The following FIGN variants were observed in gnomAD, a reference collection of about 807,000 sequenced individuals.
FIGN encodes fidgetin, microtubule severing factor, also known as fidgetin.
Under a neutral mutation model 51.3 loss-of-function variants are expected in FIGN, and 11 were observed. The ratio of observed to expected loss-of-function variants is 0.21; its 90% CI spans 0.13 to 0.35. The LOEUF (loss-of-function observed/expected upper bound fraction) is 0.35, where lower values mean the gene tolerates loss of function less well. FIGN is among the 10% of genes least tolerant of loss of function. The pLI, the probability that FIGN is intolerant of heterozygous loss-of-function variation, is 1.00. For missense variants in FIGN, 857 were observed against 943.6 expected, an observed-to-expected ratio of 0.91 and a Z score of 1.20; for synonymous variants, 407 against 363.2, an observed-to-expected ratio of 1.12 and a Z score of -1.37.
At chr2:163,687,032 CACAT>C (rs1684162486) in intron 2 of FIGN, among the ~76,000 whole-genome samples, 2 of 152,128 alleles carry the variant, frequency 1.3e-5, no homozygotes, top group African/African-American at 2.4e-5. Context: ...CACACACACA[CACAT>C]ACATGCACAG....
At chr2:163,651,182 G>C (rs941184196) in intron 2 of FIGN, among the ~76,000 whole-genome samples, 2 of 152,210 alleles carry the variant, frequency 1.3e-5, no homozygotes, top group Admixed American at 6.5e-5. Flanking sequence ...TCTACTGATA[G>C]GCCGGGTGCG....
intron 2 of FIGN, among the ~76,000 whole-genome samples, chr2:163,631,560 CCT>C (rs1252868054): frequency 1.3e-5 from 2 of 152,142 alleles, no homozygotes; most frequent in Non-Finnish European, 2.9e-5. Flanking sequence ...TGTCCTCTCC[CCT>C]TTCTTCTAGG....
chr2:163,723,099 G>A (rs1373315709), intron 2 of FIGN, among the ~76,000 whole-genome samples: 4 of 151,992 alleles, frequency 2.6e-5, no homozygotes, highest in South Asian at 2.1e-4. Context: ...GCTGAGGCAG[G>A]AGAATGGCGT....
At chr2:163,627,496 A>T (rs1007953671) in intron 2 of FIGN, among the ~76,000 whole-genome samples, 3 of 152,182 alleles carry the variant, frequency 2.0e-5, no homozygotes, top group Non-Finnish European at 4.4e-5. Flanking sequence ...AATGGGGAGC[A>T]TGTTAATCAA....
intron 2 of FIGN, among the ~76,000 whole-genome samples, chr2:163,628,728 G>A (rs1437774737): frequency 6.6e-6 from 1 of 152,002 alleles, no homozygotes; most frequent in East Asian, 1.9e-4. Context: ...AGGAAAGGGG[G>A]CATTTAAAGG....
chr2:163,732,677 A>G (rs971068412), intron 2 of FIGN, among the ~76,000 whole-genome samples: 1 of 152,220 alleles, frequency 6.6e-6, no homozygotes, highest in Non-Finnish European at 1.5e-5. Context: ...CCTAATAAAT[A>G]GATCTTGTTG....
At chr2:163,649,628 G>A (rs965399814) in intron 2 of FIGN, among the ~76,000 whole-genome samples, 1 of 152,120 alleles carries the variant, frequency 6.6e-6, no homozygotes, top group Non-Finnish European at 1.5e-5. Flanking sequence ...CCCAGCCAAC[G>A]TCATCTTGAG....
chr2:163,711,930 C>T (rs935744637), intron 2 of FIGN, among the ~76,000 whole-genome samples: 6 of 152,060 alleles, frequency 3.9e-5, no homozygotes, highest in Non-Finnish European at 8.8e-5. Context: ...TCTCCCCCTG[C>T]CCCTCCCTCG....
chr2:163,731,714 GA>G (rs35314562), intron 2 of FIGN, among the ~76,000 whole-genome samples: 19,498 of 139,254 alleles, frequency 0.14, 1,326 homozygotes, highest in African/African-American at 0.19. Context: ...TCTATTTTCA[GA>G]AAAAAAAAAA....
chr2:163,692,735 A>G (rs979760141), intron 2 of FIGN, among the ~76,000 whole-genome samples: 1 of 152,218 alleles, frequency 6.6e-6, no homozygotes, highest in Non-Finnish European at 1.5e-5. Context: ...AAAGAAAAAA[A>G]CAAACGAGCA....
intron 2 of FIGN, among the ~76,000 whole-genome samples, chr2:163,645,795 A>G (rs868814902): frequency 1.6e-4 from 25 of 152,304 alleles, no homozygotes; most frequent in African/African-American, 6.0e-4. Context: ...CAATGGCATG[A>G]ACCTGATGCT....
intron 2 of FIGN, among the ~76,000 whole-genome samples, chr2:163,667,026 C>T (rs1335788837): frequency 2.6e-5 from 4 of 151,782 alleles, no homozygotes; most frequent in African/African-American, 7.3e-5. Flanking sequence ...CAAATGAATG[C>T]TATTCCCATC....
intron 2 of FIGN, among the ~76,000 whole-genome samples, chr2:163,635,162 A>T (rs1683206623): frequency 1.3e-5 from 2 of 152,350 alleles, no homozygotes; most frequent in South Asian, 2.1e-4. Flanking sequence ...AGCCCTCACA[A>T]AATAATAAAC....
At chr2:163,703,396 G>T (rs1166994320) in intron 2 of FIGN, among the ~76,000 whole-genome samples, 1 of 152,060 alleles carries the variant, frequency 6.6e-6, no homozygotes, top group Non-Finnish European at 1.5e-5. Flanking sequence ...TTAAAAGGAA[G>T]GTTGAACATG....
intron 2 of FIGN, among the ~76,000 whole-genome samples, chr2:163,648,121 C>A (rs1047576003): frequency 1.3e-5 from 2 of 152,052 alleles, no homozygotes; most frequent in East Asian, 1.9e-4. Context: ...GAGTTGCCCC[C>A]CAAAAAGCCA....
chr2:163,667,216 A>T (rs886660452), intron 2 of FIGN, among the ~76,000 whole-genome samples: 1 of 151,090 alleles, frequency 6.6e-6, no homozygotes, highest in Non-Finnish European at 1.5e-5. Flanking sequence ...GCCATTCTAC[A>T]TTCTTTCTTT....
At chr2:163,693,231 G>A (rs1014601136) in intron 2 of FIGN, among the ~76,000 whole-genome samples, 1 of 152,078 alleles carries the variant, frequency 6.6e-6, no homozygotes, top group Admixed American at 6.6e-5. Flanking sequence ...GTGGGATGTA[G>A]GTGTGTGTGT....
intron 2 of FIGN, among the ~76,000 whole-genome samples, chr2:163,637,957 G>C (rs574071301): frequency 6.6e-6 from 1 of 152,218 alleles, no homozygotes; most frequent in East Asian, 1.9e-4. Flanking sequence ...ATCTCCAATA[G>C]ACAGTCATCT....
chr2:163,735,431 C>T (rs1245053176), intron 1 of FIGN, among the ~76,000 whole-genome samples: 1 of 152,138 alleles, frequency 6.6e-6, no homozygotes, highest in East Asian at 1.9e-4. Flanking sequence ...GTGCAAGATT[C>T]TTATTTACAC....
Sources: gnomAD v4.1 joint callset for allele counts (sites outside exome capture counted in the v4.1 genomes callset) on GRCh38, gnomAD v4.1.1 for gene constraint, MANE v1.5 for transcripts, NCBI Gene and HGNC (gene_info 2026-07-23, HGNC 2026-07-21) for gene names.